The following C1orf115 variants were observed in gnomAD, a reference collection of about 807,000 sequenced individuals.
The protein encoded by C1orf115 is chromosome 1 open reading frame 115.
C1orf115 carries 14 observed loss-of-function variants against 12.5 expected under a neutral mutation model. The observed-to-expected ratio is 1.12, with a 90% CI of 0.74 to 1.75. The LOEUF (loss-of-function observed/expected upper bound fraction) is 1.75. Ranked by LOEUF, C1orf115 falls within the 40% of genes most tolerant of loss-of-function variation. C1orf115 has a pLI of 0.00. For missense variants in C1orf115, 237 were observed against 220.8 expected (o/e 1.07, Z -0.46); for synonymous variants, 109 against 104.6 (o/e 1.04, Z -0.26).
intron 1 of C1orf115, among the ~76,000 whole-genome samples, chr1:220,695,789 G>T (rs935196510): frequency 6.6e-6 from 1 of 152,148 alleles, no homozygotes; most frequent in African/African-American, 2.4e-5. Context: ...AAGGTATGTG[G>T]CCTAAGGCAC....
At chr1:220,694,080 C>CAAAAAAAAAA (rs11353067) in intron 1 of C1orf115, among the ~76,000 whole-genome samples, 1 of 72,048 alleles carries the variant, frequency 1.4e-5, no homozygotes, top group Non-Finnish European at 2.5e-5. Context: ...AACGCGGTCT[C>CAAAAAAAAAA]AAAAAAAAAA....
intron 1 of C1orf115, among the ~76,000 whole-genome samples, chr1:220,693,286 AT>A (rs34094627): frequency 5.9e-5 from 9 of 152,042 alleles, no homozygotes; most frequent in South Asian, 4.2e-4. Context: ...ATTTTAGTAG[AT>A]TTTTTTTCCC....
Position 220,690,423 on chromosome 1 carries a change from C to T in C1orf115, c.21C>T (p.Leu7=), listed in dbSNP as rs1291701176. 9 of 1,438,480 alleles carry T rather than the reference C, an allele frequency of 6.3e-6. No homozygotes were observed. Among genetic ancestry groups the T allele is most frequent in the Non-Finnish European group, 8.2e-6 (9 of 1,103,964 alleles). 89.1% of individuals were successfully genotyped at this position (1,438,480 alleles called of 1,614,324 possible). Residue 7 remains leucine, a synonymous_variant, in exon 1 of 2, where the codon CTC becomes CTT. Coordinates refer to ENST00000294889, the MANE Select transcript of C1orf115 (RefSeq NM_024709.5). MTVGAR[L]RSKAESSLLR... is the part of the protein sequence containing the mutation. ...ACATCATGACGGTGGGAGCCAGGCTCCGAAGCAAGGCGGAGAGCAGCCTCC... is the reference window on the plus strand; with the variant it reads ...ACATCATGACGGTGGGAGCCAGGCTTCGAAGCAAGGCGGAGAGCAGCCTCC...
At chr1:220,692,185 T>C (rs1198329892) in intron 1 of C1orf115, among the ~76,000 whole-genome samples, 1 of 152,222 alleles carries the variant, frequency 6.6e-6, no homozygotes, top group Non-Finnish European at 1.5e-5. Context: ...CATTGTACAT[T>C]GCTGGTGGGA....
rs76573932 is a variant in C1orf115, at chr1:220,699,104, T to C, written c.*2373T>C. ...ATGTGCTTGACCAAGAGACTTCTTT[T>C]GTATCCTTTTCTTGTCCTATGATGT... On this transcript the variant is annotated 3_prime_UTR_variant, in exon 2 of 2. Transcript: ENST00000294889. 0.031 allele frequency: 4,660 copies of C among 152,346 alleles called. 103 individuals carry two copies. The highest frequency in any genetic ancestry group is 0.051 in the Middle Eastern group (15 of 294). The allele number at this position is 152,346 out of a possible 1,614,324, so 9.4% of individuals were successfully genotyped here. A position where few individuals can be genotyped will look rare whatever the true frequency, so the allele number is the denominator to read the frequency against.
chr1:220,694,628 A>G (rs529802662), intron 1 of C1orf115, among the ~76,000 whole-genome samples: 19 of 152,332 alleles, frequency 1.2e-4, no homozygotes, highest in Non-Finnish European at 2.6e-4. Context: ...AGTCTGATAG[A>G]CAAAGGCCAC....
rs1455921173 is a variant in C1orf115 at position 220,690,685 on chromosome 1, C to T, written c.283C>T (p.Arg95Trp). ...APSEQPRKRY[R>W]RKLKKYGKNV... The stretch of plus-strand genomic sequence containing the variant: ...GAGCGAGCAGCCCAGGAAGAGGTAC[C>T]GGAGGAAGCTGAAGAAGTACGGCAA... Residue 95 changes from arginine to tryptophan, a missense_variant, in exon 1 of 2, where the codon CGG becomes TGG. Arg to Trp is a moderately radical substitution (Grantham distance 101). Coordinates refer to ENST00000294889, the MANE Select transcript of C1orf115 (RefSeq NM_024709.5). 1 of 1,595,532 alleles carries T rather than the reference C, an allele frequency of 6.3e-7. No individual in the cohort carries two copies. The highest frequency in any genetic ancestry group is 8.5e-7 in the Non-Finnish European group (1 of 1,172,306).
At chr1:220,694,985 A>C (rs1329476585) in intron 1 of C1orf115, among the ~76,000 whole-genome samples, 1 of 152,190 alleles carries the variant, frequency 6.6e-6, no homozygotes, top group Non-Finnish European at 1.5e-5. Context: ...AAGAATATGG[A>C]GTCAAAGACG....
intron 1 of C1orf115, among the ~76,000 whole-genome samples, chr1:220,695,231 C>T (rs1302233832): frequency 6.6e-6 from 1 of 151,904 alleles, no homozygotes; most frequent in East Asian, 1.9e-4. Flanking sequence ...GAGACTGGGG[C>T]AGGATATGGA....
chr1:220,695,816 C>T (rs1323089746), intron 1 of C1orf115, among the ~76,000 whole-genome samples: 1 of 152,090 alleles, frequency 6.6e-6, no homozygotes, highest in African/African-American at 2.4e-5. Flanking sequence ...TCTGCATGGA[C>T]ATTGATATCA....
At chr1:220,696,159 A>G (rs1429319748) in intron 1 of C1orf115, among the ~76,000 whole-genome samples, 1 of 152,216 alleles carries the variant, frequency 6.6e-6, no homozygotes, top group Non-Finnish European at 1.5e-5. Flanking sequence ...GAAATATGCC[A>G]TTGAGGTAGA....
intron 1 of C1orf115, among the ~76,000 whole-genome samples, chr1:220,694,034 C>A (rs753478006): frequency 4.2e-5 from 6 of 143,924 alleles, no homozygotes; most frequent in Admixed American, 3.6e-4. Flanking sequence ...GAGCTGAGAT[C>A]GCGCCATTGC....
In C1orf115 at chr1:220,698,458, T is replaced by A. The variant is rs1172671691; in HGVS notation, c.*1727T>A. The A allele has an allele frequency of 6.6e-6, 1 of 152,256 alleles. No individual in the cohort carries two copies. Among genetic ancestry groups the A allele is most frequent in the African/African-American group, 2.4e-5 (1 of 41,462 alleles). 9.4% of individuals were successfully genotyped at this position (152,256 alleles called of 1,614,324 possible). ...ACAAGTGATCTGGTTTTAGCCCAGA[T>A]GATGAAAGTGGATATGGCACATTTT... On this transcript the variant is annotated 3_prime_UTR_variant, in exon 2 of 2. Coordinates refer to ENST00000294889, the MANE Select transcript of C1orf115 (RefSeq NM_024709.5).
At position 220,690,594 on chromosome 1, in the gene C1orf115, G is replaced by C; in HGVS notation, c.192G>C (p.Arg64=). The C allele has an allele frequency of 6.6e-7, 1 of 1,517,602 alleles. No homozygotes were observed. Among genetic ancestry groups the C allele is most frequent in the Non-Finnish European group, 8.8e-7 (1 of 1,135,286 alleles). The allele number at this position is 1,517,602 out of a possible 1,614,324, so 94.0% of individuals were successfully genotyped here. A position where few individuals can be genotyped will look rare whatever the true frequency, so the allele number is the denominator to read the frequency against. The stretch of plus-strand genomic sequence containing the variant: ...CGGACGAGCGGGGCCCGGGGACCCG[G>C]GGCGCGCGGAGGGTGCACTTCGCCC... The part of the protein sequence containing the change: ...SAADERGPGT[R]GARRVHFALL... Residue 64 remains arginine, a synonymous_variant, in exon 1 of 2, where the codon CGG becomes CGC. Coordinates refer to ENST00000294889, the MANE Select transcript of C1orf115 (RefSeq NM_024709.5).
At chr1:220,696,442 C>A (rs1291843225) in intron 1 of C1orf115, among the ~76,000 whole-genome samples, 170 bp from the exon 2 acceptor site, 1 of 152,132 alleles carries the variant, frequency 6.6e-6, no homozygotes, top group Non-Finnish European at 1.5e-5. Context: ...GAGGTGGGCA[C>A]CTTCCACCAG....
At chr1:220,694,037 G>A (rs1465522970) in intron 1 of C1orf115, among the ~76,000 whole-genome samples, 5 of 136,740 alleles carry the variant, frequency 3.7e-5, no homozygotes, top group East Asian at 2.3e-4. Context: ...CTGAGATCGC[G>A]CCATTGCACT....
chr1:220,690,793 A>C (rs1458082644), intron 1 of C1orf115, 82 bp downstream of exon 1: 4 of 1,466,474 alleles, frequency 2.7e-6, no homozygotes, highest in Non-Finnish European at 3.7e-6. Flanking sequence ...CTTACCATCG[A>C]CTCACCCAGT....
At chr1:220,696,580 C>A in intron 1 of C1orf115, 32 bp from the exon 2 acceptor site, 1 of 1,552,542 alleles carries the variant, frequency 6.4e-7, no homozygotes, top group South Asian at 1.2e-5. Flanking sequence ...CTACCCTAAT[C>A]CTTTGCTTTT....
At chr1:220,692,517 A>G (rs1670128391) in intron 1 of C1orf115, among the ~76,000 whole-genome samples, 1 of 152,224 alleles carries the variant, frequency 6.6e-6, no homozygotes, top group Non-Finnish European at 1.5e-5. Flanking sequence ...TAAAAATATT[A>G]TGCTAAGTGA....
Sources: allele counts gnomAD v4.1 joint callset (sites outside exome capture counted in the v4.1 genomes callset), GRCh38; gene constraint gnomAD v4.1.1; transcripts MANE v1.5; gene names NCBI Gene and HGNC (gene_info 2026-07-23, HGNC 2026-07-21).